SEMA3C: variants seen among roughly 807,000 people sequenced by gnomAD.
The protein encoded by SEMA3C is semaphorin-3C.
Under a neutral mutation model 89.4 loss-of-function variants are expected in SEMA3C, and 47 were observed. The ratio of observed to expected loss-of-function variants is 0.53; its 90% CI spans 0.42 to 0.67. The LOEUF is 0.67. Among genes scored for constraint, SEMA3C ranks in the 30% least tolerant of loss-of-function variants. The probability of loss-of-function intolerance (pLI) is 0.00; values close to 1 mark genes in which losing one functional copy is unlikely to be tolerated. For missense variants in SEMA3C, 839 were observed against 929.1 expected (o/e 0.90, Z 1.26); for synonymous variants, 310 against 320.2 (o/e 0.97, Z 0.34).
intron 15 of SEMA3C, among the ~76,000 whole-genome samples, chr7:80,754,194 C>T (rs1290687943): frequency 6.6e-6 from 1 of 152,192 alleles, no homozygotes; most frequent in Non-Finnish European, 1.5e-5. Flanking sequence ...GCCTCGGCCT[C>T]GCAAAGTGCT....
intron 10 of SEMA3C, among the ~76,000 whole-genome samples, chr7:80,800,066 C>T (rs1170011697): frequency 5.4e-5 from 8 of 148,894 alleles, no homozygotes; most frequent in South Asian, 2.1e-4. Context: ...GGCAGGAGAA[C>T]GGCATGAACC....
At chr7:80,751,576 T>C (rs1357935597) in intron 15 of SEMA3C, among the ~76,000 whole-genome samples, 1 of 152,174 alleles carries the variant, frequency 6.6e-6, no homozygotes, top group African/African-American at 2.4e-5. Flanking sequence ...CCATTCATGA[T>C]GAAATGGCTA....
intron 2 of SEMA3C, among the ~76,000 whole-genome samples, chr7:80,887,604 C>T (rs957902922): frequency 2.0e-5 from 3 of 152,156 alleles, no homozygotes; most frequent in Admixed American, 2.0e-4. Context: ...AAGACTATTA[C>T]CATCTATCTG....
At chr7:80,763,349 A>T (rs945947945) in intron 13 of SEMA3C, among the ~76,000 whole-genome samples, 7 of 152,160 alleles carry the variant, frequency 4.6e-5, no homozygotes, top group African/African-American at 1.7e-4. Context: ...TCACCTCAGA[A>T]ATGTGACACA....
chr7:80,825,552 CA>C lies in SEMA3C; in HGVS notation c.327+1872del, dbSNP rs1167353013. ...AAACCCCAGAGGGTTTCTACTTTGACAAAGGAAGTAAGAAACCAAATGACTT... is the reference window on the plus strand; with the variant it reads ...AAACCCCAGAGGGTTTCTACTTTGACAAGGAAGTAAGAAACCAAATGACTT... On this transcript the variant is annotated intron_variant, in intron 4 of 17. Transcript: ENST00000265361. 3.4e-4 allele frequency among the ~76,000 whole-genome samples: 51 copies of C among 152,068 alleles called. 1 individual carries two copies. The highest frequency in any genetic ancestry group is 2.9e-5 in the Non-Finnish European group (2 of 68,002).
In SEMA3C at chr7:80,817,111, A is replaced by T. The variant is rs376477045; in HGVS notation, c.447+1188T>A. ...GTATTCTTCCAAAAAGCATAACTTT[A>T]CTTTTCCTGTAAGAATTGTAATATT... On this transcript the variant is annotated intron_variant, in intron 5 of 17. Coordinates refer to ENST00000265361, the MANE Select transcript of SEMA3C (RefSeq NM_006379.5). Among the ~76,000 whole-genome samples the T allele has an allele frequency of 1.3e-3, 194 of 152,346 alleles. 6 individuals carry two copies. The South Asian group carries it at 0.038, about 30-fold the overall frequency.
In SEMA3C at chr7:80,849,458, T is replaced by C. The variant is rs1173762095; in HGVS notation, c.104-20713A>G. Among the ~76,000 whole-genome samples the C allele has an allele frequency of 2.2e-3, 329 of 151,912 alleles. 3 individuals carry two copies. The East Asian group carries it at 0.024, about 11-fold the overall frequency. Reference sequence around the variant, plus strand: ...TATAAGTTTCTTTTATCATTATCTCTATTTCATGCATACAAATGTATATGC... The same window carrying C: ...TATAAGTTTCTTTTATCATTATCTCCATTTCATGCATACAAATGTATATGC... On this transcript the variant is annotated intron_variant, in intron 2 of 17. Transcript: ENST00000265361.
intron 6 of SEMA3C, among the ~76,000 whole-genome samples, chr7:80,806,868 T>C (rs1010698224): frequency 1.3e-5 from 2 of 152,048 alleles, no homozygotes; most frequent in African/African-American, 4.8e-5. Flanking sequence ...AAGCTCACTG[T>C]TTAGTAATAA....
chr7:80,755,956 T>C (rs1052784744), intron 15 of SEMA3C, among the ~76,000 whole-genome samples: 1 of 152,094 alleles, frequency 6.6e-6, no homozygotes. Flanking sequence ...CAAATTAACA[T>C]GGAGGAACAC....
chr7:80,898,456 A>C (rs1012019672), intron 2 of SEMA3C, among the ~76,000 whole-genome samples: 1 of 152,198 alleles, frequency 6.6e-6, no homozygotes, highest in African/African-American at 2.4e-5. Context: ...TGAATTCCAT[A>C]TATAATAATA....
At chr7:80,783,927 G>A (rs1008546269) in intron 12 of SEMA3C, among the ~76,000 whole-genome samples, 1 of 152,128 alleles carries the variant, frequency 6.6e-6, no homozygotes, top group Non-Finnish European at 1.5e-5. Flanking sequence ...CAGAACACAT[G>A]TATTGACCCT....
chr7:80,840,833 G>A (rs1430250794), intron 2 of SEMA3C, among the ~76,000 whole-genome samples: 2 of 152,092 alleles, frequency 1.3e-5, no homozygotes, highest in African/African-American at 4.8e-5. Flanking sequence ...AATGCACAAA[G>A]TATAGTAAAA....
At chr7:80,826,332 T>G (rs1789872571) in intron 4 of SEMA3C, among the ~76,000 whole-genome samples, 1 of 152,170 alleles carries the variant, frequency 6.6e-6, no homozygotes, top group Non-Finnish European at 1.5e-5. Flanking sequence ...TAGACAACAT[T>G]TTTTAACACT....
intron 12 of SEMA3C, among the ~76,000 whole-genome samples, chr7:80,768,765 CTG>C (rs1484211633): frequency 6.6e-6 from 1 of 151,066 alleles, no homozygotes; most frequent in East Asian, 2.0e-4. Flanking sequence ...AGCCATGAAA[CTG>C]TGATAGCTAG....
chr7:80,898,899 C>A (rs532726588), intron 2 of SEMA3C, among the ~76,000 whole-genome samples: 1 of 151,072 alleles, frequency 6.6e-6, no homozygotes, highest in African/African-American at 2.4e-5. Flanking sequence ...AGTCTTTCAA[C>A]ATGGCCTAAA....
At chr7:80,751,612 T>C (rs1237277720) in intron 15 of SEMA3C, among the ~76,000 whole-genome samples, 1 of 152,202 alleles carries the variant, frequency 6.6e-6, no homozygotes, top group Non-Finnish European at 1.5e-5. Context: ...ATGCATATCC[T>C]GAGTAAATGC....
intron 17 of SEMA3C, among the ~76,000 whole-genome samples, chr7:80,747,588 G>A (rs1787830719): frequency 6.6e-6 from 1 of 152,018 alleles, no homozygotes; most frequent in African/African-American, 2.4e-5. Flanking sequence ...AGCTTGCTCT[G>A]CAAGGTAATT....
chr7:80,812,664 T>C (rs1789495731), intron 5 of SEMA3C, among the ~76,000 whole-genome samples: 1 of 152,190 alleles, frequency 6.6e-6, no homozygotes. Flanking sequence ...GTCTACCTAA[T>C]AACTATCTCA....
intron 15 of SEMA3C, among the ~76,000 whole-genome samples, chr7:80,756,754 G>A (rs929840061): frequency 3.9e-5 from 6 of 152,150 alleles, no homozygotes; most frequent in East Asian, 1.9e-4. Context: ...GCTAGATAAC[G>A]TCTTGGTGCC....
Sources: gnomAD v4.1 joint callset for allele counts (sites outside exome capture counted in the v4.1 genomes callset) on GRCh38, gnomAD v4.1.1 for gene constraint, MANE v1.5 for transcripts, NCBI Gene and HGNC (gene_info 2026-07-23, HGNC 2026-07-21) for gene names.